The following ZEB1 variants were observed in gnomAD, a reference collection of about 807,000 sequenced individuals.
ZEB1 encodes zinc finger E-box binding homeobox 1.
ZEB1 carries 21 observed loss-of-function variants against 84.9 expected under a neutral mutation model. The observed-to-expected ratio is 0.25, with a 90% confidence interval of 0.18 to 0.36. The LOEUF (loss-of-function observed/expected upper bound fraction) is 0.36. Among genes scored for constraint, ZEB1 ranks in the 10% least tolerant of loss-of-function variants. The probability of loss-of-function intolerance (pLI) is 1.00; values close to 1 mark genes in which losing one functional copy is unlikely to be tolerated. For synonymous variants in ZEB1, 420 were observed against 471.1 expected, an observed-to-expected ratio of 0.89 and a Z score of 1.41; for missense variants, 1,104 against 1,330.2, an observed-to-expected ratio of 0.83 and a Z score of 2.65.
intron 2 of ZEB1, among the ~76,000 whole-genome samples, chr10:31,495,125 A>G (rs911345893): frequency 3.3e-5 from 5 of 151,966 alleles, no homozygotes; most frequent in Non-Finnish European, 4.4e-5. Flanking sequence ...TTTATATTTC[A>G]TTTCTACCAC....
At chr10:31,409,094 C>G (rs1188454047) in intron 1 of ZEB1, among the ~76,000 whole-genome samples, 1 of 152,172 alleles carries the variant, frequency 6.6e-6, no homozygotes, top group Non-Finnish European at 1.5e-5. Flanking sequence ...AGGACATGAA[C>G]AGACACTTCT....
At chr10:31,379,570 A>G (rs1051038350) in intron 1 of ZEB1, among the ~76,000 whole-genome samples, 1 of 152,092 alleles carries the variant, frequency 6.6e-6, no homozygotes, top group African/African-American at 2.4e-5. Flanking sequence ...TGTGCCAGTC[A>G]CACACAGGGC....
intron 1 of ZEB1, among the ~76,000 whole-genome samples, chr10:31,426,302 C>T (rs138283145): frequency 5.3e-5 from 8 of 151,914 alleles, no homozygotes; most frequent in Non-Finnish European, 1.0e-4. Flanking sequence ...CATTACTCTG[C>T]CCCCTACCCT....
chr10:31,326,272 C>T (rs1287290419), intron 1 of ZEB1, among the ~76,000 whole-genome samples: 4 of 152,128 alleles, frequency 2.6e-5, no homozygotes, highest in Non-Finnish European at 4.4e-5. Flanking sequence ...TAACCTTGCT[C>T]TGCCTTGAAT....
intron 1 of ZEB1, among the ~76,000 whole-genome samples, chr10:31,330,705 AAAAGTTT>A (rs1220983210): frequency 1.3e-5 from 2 of 152,204 alleles, no homozygotes; most frequent in Non-Finnish European, 2.9e-5. Context: ...TAGCTAAAGA[AAAAGTTT>A]TTAGTTACTT....
chr10:31,507,613 C>T (rs369827918), intron 4 of ZEB1, among the ~76,000 whole-genome samples: 3 of 152,048 alleles, frequency 2.0e-5, no homozygotes, highest in East Asian at 3.9e-4. Context: ...TAATCTATTG[C>T]TGAAGCTTTC....
At chr10:31,430,911 A>G (rs1017544028) in intron 1 of ZEB1, among the ~76,000 whole-genome samples, 5 of 152,200 alleles carry the variant, frequency 3.3e-5, no homozygotes, top group Admixed American at 3.3e-4. Context: ...ACTTACTTTC[A>G]TTGAAGAAAT....
intron 1 of ZEB1, among the ~76,000 whole-genome samples, chr10:31,381,172 G>A (rs1198612361): frequency 6.6e-6 from 1 of 152,070 alleles, no homozygotes; most frequent in African/African-American, 2.4e-5. Context: ...TACTGGTAAT[G>A]AACAAAACCT....
At position 31,468,041 on chromosome 10, in the gene ZEB1, C is replaced by T. The variant is rs191964901; in HGVS notation, c.259+6804C>T. On this transcript the variant is annotated intron_variant, in intron 2 of 8. Coordinates refer to ENST00000424869, the MANE Select transcript of ZEB1 (RefSeq NM_001174096.2). ...GCTGGAATGAAATCCCAGGGCTAGC[C>T]CTCTTACCCTGAACCAGCTCTTGTG... 2.1e-3 allele frequency among the ~76,000 whole-genome samples: 326 copies of T among 152,134 alleles called. 1 individual carries two copies. The highest frequency in any genetic ancestry group is 7.6e-3 in the African/African-American group (315 of 41,488).
chr10:31,473,145 G>T (rs1242221257), intron 2 of ZEB1, among the ~76,000 whole-genome samples: 3 of 148,894 alleles, frequency 2.0e-5, no homozygotes, highest in Admixed American at 6.7e-5. Flanking sequence ...TTGAAAACTG[G>T]CACAAGACAG....
chr10:31,507,485 T>C (rs565389669), intron 4 of ZEB1, among the ~76,000 whole-genome samples: 4 of 152,258 alleles, frequency 2.6e-5, no homozygotes, highest in East Asian at 1.9e-4. Context: ...ATTTGGTTAC[T>C]TTATAGTTTC....
intron 3 of ZEB1, among the ~76,000 whole-genome samples, chr10:31,496,364 A>C (rs1039928969): frequency 5.9e-5 from 9 of 152,102 alleles, no homozygotes; most frequent in Non-Finnish European, 1.3e-4. Context: ...ATTGAAAAAG[A>C]GTAAAATGAA....
intron 5 of ZEB1, among the ~76,000 whole-genome samples, chr10:31,514,060 A>G (rs1279099910): frequency 6.6e-6 from 1 of 152,160 alleles, no homozygotes; most frequent in Non-Finnish European, 1.5e-5. Context: ...TTTGGCTGAA[A>G]AAACTGGAAG....
intron 1 of ZEB1, among the ~76,000 whole-genome samples, chr10:31,426,592 G>A (rs1182477286): frequency 2.0e-5 from 3 of 152,184 alleles, no homozygotes. Flanking sequence ...GGGACATCCT[G>A]TGATCTGACT....
chr10:31,403,752 T>C (rs1203162595), intron 1 of ZEB1, among the ~76,000 whole-genome samples: 1 of 152,018 alleles, frequency 6.6e-6, no homozygotes, highest in East Asian at 1.9e-4. Context: ...ATATTCAGCT[T>C]TCCTTTTGTA....
chr10:31,511,159 T>C (rs1339998116), intron 5 of ZEB1, among the ~76,000 whole-genome samples: 1 of 152,248 alleles, frequency 6.6e-6, no homozygotes, highest in South Asian at 2.1e-4. Flanking sequence ...AACAGTTAAT[T>C]CTTCAAGTTT....
intron 1 of ZEB1, among the ~76,000 whole-genome samples, chr10:31,423,174 C>T (rs1465733296): frequency 6.6e-6 from 1 of 152,016 alleles, no homozygotes; most frequent in Non-Finnish European, 1.5e-5. Context: ...GGATACAATG[C>T]CTACATTTCA....
At chr10:31,353,281 A>G (rs1019521177) in intron 1 of ZEB1, among the ~76,000 whole-genome samples, 2 of 152,250 alleles carry the variant, frequency 1.3e-5, no homozygotes, top group African/African-American at 4.8e-5. Context: ...TGTTTTAAAG[A>G]TAAATCATAA....
chr10:31,361,157 C>G (rs1406374917), intron 1 of ZEB1: 1 of 1,611,972 alleles, frequency 6.2e-7, no homozygotes, highest in Non-Finnish European at 8.5e-7. Context: ...CAACCAGAAC[C>G]TCTTGTTCCT....
Sources: allele counts gnomAD v4.1 joint callset (sites outside exome capture counted in the v4.1 genomes callset), GRCh38; gene constraint gnomAD v4.1.1; transcripts MANE v1.5; gene names NCBI Gene and HGNC (gene_info 2026-07-23, HGNC 2026-07-21).